Variants in CTNNA3 observed in about 807,000 individuals in gnomAD.
The protein encoded by CTNNA3 is catenin alpha-3.
In CTNNA3, 76 loss-of-function variants were observed where a neutral mutation model predicts 95.7. The ratio of observed to expected loss-of-function variants is 0.79; its 90% CI spans 0.66 to 0.96. The LOEUF is 0.96. Ranked by LOEUF, CTNNA3 falls within the 40% of genes least tolerant of loss-of-function variation. The pLI is 0.00. For synonymous variants in CTNNA3, 431 were observed against 374.4 expected (o/e 1.15, Z -1.74); for missense variants, 1,191 against 1,089.8 (o/e 1.09, Z -1.31).
At chr10:66,649,005 C>A (rs143112077) in intron 9 of CTNNA3, among the ~76,000 whole-genome samples, 3 of 151,918 alleles carry the variant, frequency 2.0e-5, no homozygotes, top group Non-Finnish European at 4.4e-5. Flanking sequence ...TTTAAAGGAA[C>A]GCTAACATAG....
At chr10:67,174,150 T>G (rs1304804641) in intron 7 of CTNNA3, among the ~76,000 whole-genome samples, 1 of 152,242 alleles carries the variant, frequency 6.6e-6, no homozygotes, top group African/African-American at 2.4e-5. Context: ...GCTCTGGCTC[T>G]ATCTGATTAG....
intron 15 of CTNNA3, among the ~76,000 whole-genome samples, chr10:66,051,779 T>C (rs181656746): frequency 9.8e-5 from 15 of 152,342 alleles, no homozygotes; most frequent in East Asian, 7.7e-4. Context: ...AGAAACATGA[T>C]AGAACCCTTT....
chr10:67,693,503 A>C (rs1314666864), intron 1 of CTNNA3, among the ~76,000 whole-genome samples: 1 of 152,172 alleles, frequency 6.6e-6, no homozygotes, highest in Non-Finnish European at 1.5e-5. Context: ...AATCCCTTCT[A>C]TTCCAAAAAA....
At position 67,591,070 on chromosome 10, in the gene CTNNA3, C is replaced by T. The variant is rs535792033; in HGVS notation, c.292+15787G>A. Among the ~76,000 whole-genome samples the T allele has an allele frequency of 9.2e-5, 14 of 151,960 alleles. No homozygotes were observed. In the East Asian group the frequency reaches 2.7e-3, roughly 29 times the overall value. On this transcript the variant is annotated intron_variant, in intron 3 of 17. Transcript: ENST00000433211. ...AGTCTACCTGGAGTTGACTTTTTGT[C>T]TATAGTTATGAGAAGCCAAGTGGTA...
At chr10:66,916,657 T>C (rs1846508855) in intron 7 of CTNNA3, among the ~76,000 whole-genome samples, 1 of 152,050 alleles carries the variant, frequency 6.6e-6, no homozygotes, top group Non-Finnish European at 1.5e-5. Flanking sequence ...AGTGGAAAAA[T>C]GTCCAAAAAG....
At chr10:66,566,015 G>A (rs10997236) in intron 10 of CTNNA3, among the ~76,000 whole-genome samples, 1,532 of 152,236 alleles carry the variant, frequency 0.01, 24 homozygotes, top group Non-Finnish European at 0.013. Context: ...AAACCAGAAC[G>A]CTAACGGATT....
At chr10:66,872,806 A>T (rs924973387) in intron 7 of CTNNA3, among the ~76,000 whole-genome samples, 2 of 152,196 alleles carry the variant, frequency 1.3e-5, no homozygotes, top group Non-Finnish European at 1.5e-5. Flanking sequence ...GGCAGTGAGC[A>T]TAGTCCCCAT....
chr10:67,393,782 C>G (rs1844607891), intron 5 of CTNNA3, among the ~76,000 whole-genome samples: 1 of 152,066 alleles, frequency 6.6e-6, no homozygotes. Flanking sequence ...ATTCTTCTAG[C>G]TATCAAGGTA....
chr10:66,408,437 G>C (rs2093074854), intron 11 of CTNNA3, among the ~76,000 whole-genome samples: 1 of 151,966 alleles, frequency 6.6e-6, no homozygotes, highest in African/African-American at 2.4e-5. Context: ...ATGACAGAAG[G>C]GGCACCTAAT....
chr10:66,361,371 T>TCC, intron 12 of CTNNA3, among the ~76,000 whole-genome samples: 1 of 106,470 alleles, frequency 9.4e-6, no homozygotes, highest in Non-Finnish European at 2.4e-5. Context: ...TCCTTTTCTT[T>TCC]TTTCCTTTCC....
chr10:67,597,297 G>T (rs1263522285), intron 3 of CTNNA3, among the ~76,000 whole-genome samples: 1 of 152,156 alleles, frequency 6.6e-6, no homozygotes, highest in Non-Finnish European at 1.5e-5. Context: ...AACCACTGCT[G>T]GTGAGCTAGT....
At chr10:66,174,787 T>C (rs997018532) in intron 13 of CTNNA3, among the ~76,000 whole-genome samples, 3 of 152,128 alleles carry the variant, frequency 2.0e-5, no homozygotes, top group Non-Finnish European at 2.9e-5. Flanking sequence ...TGTATTTATA[T>C]AGTGCTTCAT....
At chr10:66,914,193 C>T (rs967805216) in intron 7 of CTNNA3, among the ~76,000 whole-genome samples, 193 of 148,774 alleles carry the variant, frequency 1.3e-3, no homozygotes, top group African/African-American at 4.6e-3. Context: ...TGCAGTGGCA[C>T]GATCTCGGCT....
intron 13 of CTNNA3, among the ~76,000 whole-genome samples, chr10:66,234,300 G>T (rs941888987): frequency 1.3e-5 from 2 of 151,966 alleles, no homozygotes; most frequent in Non-Finnish European, 2.9e-5. Flanking sequence ...CATAAATCAG[G>T]TATGGTTCTT....
chr10:67,514,022 C>T, intron 5 of CTNNA3, among the ~76,000 whole-genome samples: 1 of 152,068 alleles, frequency 6.6e-6, no homozygotes, highest in East Asian at 1.9e-4. Context: ...TAAAATAAAA[C>T]AGTTGGGGCC....
chr10:67,157,809 A>G (rs2132080688), intron 7 of CTNNA3, among the ~76,000 whole-genome samples: 1 of 152,250 alleles, frequency 6.6e-6, no homozygotes, highest in Admixed American at 6.5e-5. Flanking sequence ...TCCCAGCCCA[A>G]AAAAATCACC....
At chr10:67,755,374 G>A (rs552781432) in intron 1 of CTNNA3, among the ~76,000 whole-genome samples, 68 of 152,210 alleles carry the variant, frequency 4.5e-4, no homozygotes, top group African/African-American at 1.6e-3. Flanking sequence ...TAAAGAAAGG[G>A]AAGCCATTAT....
chr10:67,392,382 C>T lies in CTNNA3; in HGVS notation c.579+129460G>A, dbSNP rs1029478013. Among the ~76,000 whole-genome samples, 15 of 152,186 alleles carry T rather than the reference C, an allele frequency of 9.9e-5. 1 individual carries two copies. Among genetic ancestry groups the T allele is most frequent in the Non-Finnish European group, 1.3e-4 (9 of 68,012 alleles). Reference sequence around the variant, plus strand: ...TACCATCTCACACCAGTTAGAATGGCGATCATTAAAAAGTCAGGAAACAAC... The same window carrying T: ...TACCATCTCACACCAGTTAGAATGGTGATCATTAAAAAGTCAGGAAACAAC... On this transcript the variant is annotated intron_variant, in intron 5 of 17. Coordinates refer to ENST00000433211, the MANE Select transcript of CTNNA3 (RefSeq NM_013266.4).
intron 2 of CTNNA3, among the ~76,000 whole-genome samples, chr10:67,634,340 G>A (rs1280089895): frequency 6.6e-6 from 1 of 152,054 alleles, no homozygotes; most frequent in African/African-American, 2.4e-5. Context: ...CACTAAATAT[G>A]GAAAAGAAAA....
Sources: allele counts gnomAD v4.1 joint callset (sites outside exome capture counted in the v4.1 genomes callset), GRCh38; gene constraint gnomAD v4.1.1; transcripts MANE v1.5; gene names NCBI Gene and HGNC (gene_info 2026-07-23, HGNC 2026-07-21).